The following FSHR variants were observed in gnomAD, a reference collection of about 807,000 sequenced individuals.
FSHR encodes follicle stimulating hormone receptor, also known as follicle-stimulating hormone receptor.
FSHR carries 46 observed loss-of-function variants against 52.1 expected under a neutral mutation model. The observed-to-expected ratio is 0.88, with a 90% confidence interval of 0.70 to 1.13. The LOEUF (loss-of-function observed/expected upper bound fraction) is 1.13, where lower values mean the gene tolerates loss of function less well. FSHR is among the 50% of genes most tolerant of loss of function. FSHR has a pLI of 0.00. For missense variants in FSHR, 964 were observed against 834.6 expected, an observed-to-expected ratio of 1.16 and a Z score of -1.91; for synonymous variants, 399 against 309.6, an observed-to-expected ratio of 1.29 and a Z score of -3.03.
chr2:48,994,628 A>C (rs945746328), intron 4 of FSHR, among the ~76,000 whole-genome samples: 3 of 70,908 alleles, frequency 4.2e-5, no homozygotes, highest in African/African-American at 1.1e-4. Flanking sequence ...CAATAAATTC[A>C]TGCTGATGGA....
intron 4 of FSHR, chr2:49,014,853 T>C: frequency 2.2e-6 from 1 of 461,170 alleles, no homozygotes; most frequent in East Asian, 7.1e-5. Flanking sequence ...TGGGGATGCC[T>C]CTTCATGTCC....
chr2:48,985,760 G>A lies in FSHR; in HGVS notation c.525-2594C>T, dbSNP rs573373682. On this transcript the variant is annotated intron_variant, in intron 6 of 9. Coordinates refer to ENST00000406846, the MANE Select transcript of FSHR (RefSeq NM_000145.4). ...CTCGCTCTGTCGCCCAGGCCGGACT[G>A]CGGACTGCAGTGGCGCAATCTCGGC... Among the ~76,000 whole-genome samples the A allele has an allele frequency of 2.4e-3, 291 of 120,570 alleles. 3 individuals are homozygous for A. Among genetic ancestry groups the A allele is most frequent in the African/African-American group, 9.3e-3 (280 of 30,074 alleles). 79.1% of individuals were successfully genotyped at this position (120,570 alleles called of 152,430 possible).
chr2:49,063,456 GAC>G (rs984398919), intron 2 of FSHR, among the ~76,000 whole-genome samples: 12 of 151,940 alleles, frequency 7.9e-5, no homozygotes, highest in Admixed American at 5.3e-4. Flanking sequence ...ATATGTATGT[GAC>G]ACACACTCAC....
intron 2 of FSHR, among the ~76,000 whole-genome samples, chr2:49,021,884 T>TAA (rs1221533451): frequency 2.7e-5 from 1 of 36,568 alleles, no homozygotes; most frequent in Non-Finnish European, 5.3e-5. Flanking sequence ...TATATATATA[T>TAA]ATAGAGAGAG....
At chr2:48,967,362 G>C (rs1428363104) in intron 9 of FSHR, among the ~76,000 whole-genome samples, 1 of 152,158 alleles carries the variant, frequency 6.6e-6, no homozygotes, top group Non-Finnish European at 1.5e-5. Flanking sequence ...GCCTCCCAAA[G>C]TGCTGGGGTT....
intron 2 of FSHR, among the ~76,000 whole-genome samples, chr2:49,028,999 C>T (rs1668007231): frequency 6.6e-6 from 1 of 152,196 alleles, no homozygotes; most frequent in South Asian, 2.1e-4. Flanking sequence ...TCAGCAAATG[C>T]TTCTCACATC....
intron 2 of FSHR, among the ~76,000 whole-genome samples, chr2:49,036,880 CATTTAAAAATTTTTAGAAAATTTAGAA>C (rs1193715143): frequency 2.0e-4 from 31 of 152,296 alleles, no homozygotes; most frequent in African/African-American, 7.5e-4. Flanking sequence ...ATATGTCAAA[CATTTAAAAATTTTTAGAAAATTTAGAA>C]ATTATAAAAG....
At chr2:49,032,505 A>G (rs1668134143) in intron 2 of FSHR, among the ~76,000 whole-genome samples, 1 of 152,226 alleles carries the variant, frequency 6.6e-6, no homozygotes, top group African/African-American at 2.4e-5. Context: ...GCCTTCAAGG[A>G]GCATCTAACT....
At position 49,034,131 on chromosome 2, in the gene FSHR, A is replaced by C. The variant is rs143316606; in HGVS notation, c.225-13971T>G. The stretch of plus-strand genomic sequence containing the variant: ...CAGAGTCTGGAGGGCTCAAATGTTT[A>C]ATATCTGTAGGAGAACTTACAGTGA... On this transcript the variant is annotated intron_variant, in intron 2 of 9. Transcript: ENST00000406846. Among the ~76,000 whole-genome samples the C allele has an allele frequency of 5.0e-3, 764 of 152,310 alleles. 7 individuals are homozygous for C. The highest frequency in any genetic ancestry group is 0.018 in the African/African-American group (732 of 41,558).
chr2:48,984,965 A>C (rs557250771), intron 6 of FSHR, among the ~76,000 whole-genome samples: 35 of 152,314 alleles, frequency 2.3e-4, no homozygotes, highest in African/African-American at 7.5e-4. Flanking sequence ...TCATCACACA[A>C]AAAAAACAAA....
chr2:49,100,848 A>G (rs916262164), intron 1 of FSHR, among the ~76,000 whole-genome samples: 1 of 152,200 alleles, frequency 6.6e-6, no homozygotes, highest in East Asian at 1.9e-4. Flanking sequence ...GCACTGAGGA[A>G]AGCTGACCCA....
chr2:49,074,483 A>G (rs1669873802), intron 1 of FSHR, among the ~76,000 whole-genome samples: 1 of 152,170 alleles, frequency 6.6e-6, no homozygotes. Context: ...CTCGCCAGTT[A>G]GGATGGCTAT....
At chr2:49,109,897 G>C (rs544794033) in intron 1 of FSHR, among the ~76,000 whole-genome samples, 1 of 152,108 alleles carries the variant, frequency 6.6e-6, no homozygotes, top group African/African-American at 2.4e-5. Flanking sequence ...AGACAAATCT[G>C]TTTTGATGGG....
intron 2 of FSHR, among the ~76,000 whole-genome samples, chr2:49,020,558 C>A (rs1449143202): frequency 1.3e-5 from 2 of 150,418 alleles, no homozygotes; most frequent in East Asian, 3.9e-4. Context: ...TTTGCCCTTG[C>A]TGTGGTATTT....
intron 1 of FSHR, among the ~76,000 whole-genome samples, chr2:49,117,296 A>G (rs1157752393): frequency 6.6e-6 from 1 of 152,176 alleles, no homozygotes; most frequent in Non-Finnish European, 1.5e-5. Context: ...ACATCTTTGC[A>G]TCTCTGGTAT....
intron 1 of FSHR, among the ~76,000 whole-genome samples, chr2:49,131,043 T>C (rs1463604920): frequency 6.6e-6 from 1 of 152,208 alleles, no homozygotes; most frequent in East Asian, 1.9e-4. Context: ...GGAAGACAGC[T>C]TAACAGAGTG....
At chr2:48,965,668 A>G (rs1353026199) in intron 9 of FSHR, among the ~76,000 whole-genome samples, 1 of 152,224 alleles carries the variant, frequency 6.6e-6, no homozygotes, top group African/African-American at 2.4e-5. Flanking sequence ...ACTCTCTAGA[A>G]ACAGCCTTCA....
At chr2:48,989,488 G>A (rs1376400463) in intron 5 of FSHR, among the ~76,000 whole-genome samples, 1 of 152,016 alleles carries the variant, frequency 6.6e-6, no homozygotes, top group Non-Finnish European at 1.5e-5. Flanking sequence ...TCACCATGTT[G>A]CCCAGGCTGG....
At chr2:49,058,373 C>A (rs1360968862) in intron 2 of FSHR, among the ~76,000 whole-genome samples, 1 of 151,648 alleles carries the variant, frequency 6.6e-6, no homozygotes, top group Non-Finnish European at 1.5e-5. Flanking sequence ...ATGGTGAAAC[C>A]CTGTCTCTAC....
Sources: allele counts gnomAD v4.1 joint callset (sites outside exome capture counted in the v4.1 genomes callset), GRCh38; gene constraint gnomAD v4.1.1; transcripts MANE v1.5; gene names NCBI Gene and HGNC (gene_info 2026-07-23, HGNC 2026-07-21).